LITAF: variants seen among roughly 807,000 people sequenced by gnomAD.
LITAF encodes lipopolysaccharide-induced tumor necrosis factor-alpha factor.
In LITAF, 9 loss-of-function variants were observed where a neutral mutation model predicts 14.5. The ratio of observed to expected loss-of-function variants is 0.62; its 90% CI spans 0.37 to 1.08. The LOEUF (loss-of-function observed/expected upper bound fraction) is 1.08, where lower values mean the gene tolerates loss of function less well. LITAF is among the 50% of genes least tolerant of loss of function. The pLI is 0.01. For synonymous variants in LITAF, 98 were observed against 88.2 expected, an observed-to-expected ratio of 1.11 and a Z score of -0.62; for missense variants, 206 against 213.4, an observed-to-expected ratio of 0.97 and a Z score of 0.22.
At chr16:11,618,386 G>A (rs571138790) in intron 3 of LITAF, among the ~76,000 whole-genome samples, 104 of 152,286 alleles carry the variant, frequency 6.8e-4, no homozygotes, top group Non-Finnish European at 1.2e-3. Context: ...GTAGCCTGGG[G>A]ACGCCATTTG....
At chr16:11,576,659 G>A (rs2064641807) in intron 1 of LITAF, among the ~76,000 whole-genome samples, 1 of 151,980 alleles carries the variant, frequency 6.6e-6, no homozygotes, top group Non-Finnish European at 1.5e-5. Flanking sequence ...TGGGGCTGAT[G>A]GCGGCTCCAT....
At chr16:11,600,943 C>G (rs907333674), upstream of LITAF, among the ~76,000 whole-genome samples, 1 of 152,150 alleles carries the variant, frequency 6.6e-6, no homozygotes, top group African/African-American at 2.4e-5. This position sits in a 1 kb window ranked among gnomAD's most constrained non-coding sequence, Gnocchi z 4.1. Flanking sequence ...ACAGGCAAAC[C>G]GGGGCATGTC....
intron 1 of LITAF, among the ~76,000 whole-genome samples, chr16:11,593,714 C>A (rs1220294244): frequency 6.6e-6 from 1 of 152,154 alleles, no homozygotes; most frequent in African/African-American, 2.4e-5. Flanking sequence ...TACACAGGGA[C>A]CTCAAACACA....
chr16:11,560,880 C>T (rs868403100), intron 1 of LITAF, among the ~76,000 whole-genome samples: 9 of 152,262 alleles, frequency 5.9e-5, no homozygotes, highest in Middle Eastern at 6.8e-3. Flanking sequence ...TGGTTTGAGG[C>T]GTGTTGCTAG....
chr16:11,629,105 A>C (rs972168906), intron 3 of LITAF: 1 of 152,290 alleles, frequency 6.6e-6, no homozygotes, highest in African/African-American at 2.4e-5. Context: ...CACGGCACTC[A>C]GGCTTGCCCC....
At chr16:11,594,246 A>G (rs1597364640) in intron 1 of LITAF, among the ~76,000 whole-genome samples, 1 of 152,270 alleles carries the variant, frequency 6.6e-6, no homozygotes, top group South Asian at 2.1e-4. Flanking sequence ...CTACATGCCA[A>G]TGAATTGTAC....
rs2064303974 is a variant in LITAF at position 11,558,165 on chromosome 16, A to G, written c.-5-1430T>C. ...GAACTCGTGGGAAGCCAAGGCAGCA[A>G]TTAATCCCACTGCAGGGAGAAGGGT... On this transcript the variant is annotated intron_variant, in intron 1 of 3. Transcript: ENST00000622633. The surrounding 1 kb of genome is among the most constrained non-coding windows in gnomAD (Gnocchi z 4.1). Among the ~76,000 whole-genome samples, 1 of 152,178 alleles carries G rather than the reference A, an allele frequency of 6.6e-6. No homozygotes were observed. The highest frequency in any genetic ancestry group is 1.5e-5 in the Non-Finnish European group (1 of 68,022).
chr16:11,639,160 G>C (rs1278291375), upstream of LITAF, among the ~76,000 whole-genome samples: 5 of 151,664 alleles, frequency 3.3e-5, no homozygotes, highest in African/African-American at 4.9e-5. Flanking sequence ...CAGAGGTAGG[G>C]ATGGATGGAT....
intron 1 of LITAF, among the ~76,000 whole-genome samples, chr16:11,578,721 C>A (rs949148110): frequency 3.9e-5 from 6 of 152,242 alleles, no homozygotes; most frequent in Non-Finnish European, 5.9e-5. Context: ...CCTCCGTGGT[C>A]TTCTCCTCCC....
chr16:11,583,769 T>C (rs1306351689), intron 1 of LITAF, among the ~76,000 whole-genome samples: 3 of 152,226 alleles, frequency 2.0e-5, no homozygotes, highest in Non-Finnish European at 2.9e-5. Flanking sequence ...GCTTAAATTC[T>C]CCAACATTAT....
upstream of LITAF, among the ~76,000 whole-genome samples, chr16:11,637,171 G>A (rs539026999): frequency 2.0e-5 from 3 of 152,326 alleles, no homozygotes; most frequent in East Asian, 1.9e-4. Flanking sequence ...GATTATAGGC[G>A]CAGGCCACCG....
chr16:11,637,976 A>ATATATATCTATATATATC (rs1567270935), upstream of LITAF, among the ~76,000 whole-genome samples: 12 of 37,372 alleles, frequency 3.2e-4, no homozygotes, highest in Admixed American at 9.4e-4. Flanking sequence ...CTATATATCT[A>ATATATATCTATATATATC]TATATATCTA....
At chr16:11,622,003 A>C (rs1389664806) in intron 3 of LITAF, among the ~76,000 whole-genome samples, 2 of 152,190 alleles carry the variant, frequency 1.3e-5, no homozygotes, top group African/African-American at 4.8e-5. Flanking sequence ...TTGCCAGCTC[A>C]AATTAAACAA....
intron 1 of LITAF, among the ~76,000 whole-genome samples, chr16:11,574,440 G>A (rs2064598353): frequency 6.6e-6 from 1 of 152,178 alleles, no homozygotes; most frequent in African/African-American, 2.4e-5. Context: ...GTGGACTAGG[G>A]GATGGGGTGT....
intron 3 of LITAF, among the ~76,000 whole-genome samples, chr16:11,614,607 G>GT (rs1567264088): frequency 1.5e-4 from 22 of 149,464 alleles, no homozygotes; most frequent in Admixed American, 4.7e-4. Flanking sequence ...GGCTTTTTCT[G>GT]GTTTTTTTTT....
chr16:11,638,127 TAG>T (rs147147360), upstream of LITAF, among the ~76,000 whole-genome samples: 3 of 139,018 alleles, frequency 2.2e-5, no homozygotes, highest in African/African-American at 5.4e-5. Flanking sequence ...TATAGATAGA[TAG>T]ATAGATAGAT....
At chr16:11,598,975 ACT>A (rs1167345270), upstream of LITAF, among the ~76,000 whole-genome samples, 1 of 148,774 alleles carries the variant, frequency 6.7e-6, no homozygotes, top group Non-Finnish European at 1.5e-5. Context: ...ACCCGCCACC[ACT>A]TCTGGCTGAT....
In LITAF at chr16:11,553,958, C is replaced by T. The variant is rs1489699261; in HGVS notation, c.221-269G>A. On this transcript the variant is annotated intron_variant, in intron 2 of 3. Coordinates refer to ENST00000622633, the MANE Select transcript of LITAF (RefSeq NM_001136472.2). This position sits in a 1 kb window ranked among gnomAD's most constrained non-coding sequence, Gnocchi z 7.7. ...CTCAAAAAGAAAGGAGGACCGGGCG[C>T]GGTAGCTCATGCCTGTAATCCCAAC... Among the ~76,000 whole-genome samples, 5 of 152,094 alleles carry T rather than the reference C, an allele frequency of 3.3e-5. No individual in the cohort carries two copies. Among genetic ancestry groups the T allele is most frequent in the Admixed American group, 2.0e-4 (3 of 15,258 alleles).
Position 11,549,307 on chromosome 16 carries a change from GA to G in LITAF, c.*329del. The G allele has an allele frequency of 2.2e-6, 1 of 450,478 alleles. No homozygotes were observed. Among genetic ancestry groups the G allele is most frequent in the South Asian group, 1.6e-5 (1 of 63,810 alleles). 27.9% of individuals were successfully genotyped at this position (450,478 alleles called of 1,614,324 possible). ...AAAGGCCCATGGAAGCAGGAAAAAA[GA>G]GCCACTGATGGCAGATCACAGGAAG... On this transcript the variant is annotated 3_prime_UTR_variant, in exon 4 of 4. Transcript: ENST00000622633. This position sits in a 1 kb window ranked among gnomAD's most constrained non-coding sequence, Gnocchi z 4.6.
Sources: allele counts gnomAD v4.1 joint callset (sites outside exome capture counted in the v4.1 genomes callset), GRCh38; gene constraint gnomAD v4.1.1; non-coding constraint Gnocchi (gnomAD v3.1); transcripts MANE v1.5; gene names NCBI Gene and HGNC (gene_info 2026-07-23, HGNC 2026-07-21).